The following KIF1B variants were observed in gnomAD, a reference collection of about 807,000 sequenced individuals.
KIF1B encodes kinesin family member 1B.
In KIF1B, 76 loss-of-function variants were observed where a neutral mutation model predicts 241.9. The observed-to-expected ratio is 0.31, with a 90% CI of 0.26 to 0.38. The LOEUF is 0.38. KIF1B is among the 10% of genes least tolerant of loss of function. The probability of loss-of-function intolerance (pLI) is 1.00; values close to 1 mark genes in which losing one functional copy is unlikely to be tolerated. For synonymous variants in KIF1B, 750 were observed against 796.7 expected (o/e 0.94, Z 0.99); for missense variants, 1,622 against 2,271.4 (o/e 0.71, Z 5.81).
At chr1:10,260,278 T>C (rs892472552) in intron 4 of KIF1B, among the ~76,000 whole-genome samples, 2 of 152,152 alleles carry the variant, frequency 1.3e-5, no homozygotes, top group African/African-American at 4.8e-5. Flanking sequence ...AAAAATATGA[T>C]ATAAAAGATT....
chr1:10,304,165 G>T, intron 22 of KIF1B: 1 of 1,614,078 alleles, frequency 6.2e-7, no homozygotes, highest in Non-Finnish European at 8.5e-7. Flanking sequence ...TCCAAAAGAC[G>T]ATGAAGCAAG....
rs1218525346 is a variant in KIF1B, at chr1:10,379,732, C to G, written c.*3145C>G. 2 of 230,932 alleles carry G rather than the reference C, an allele frequency of 8.7e-6. No individual in the cohort carries two copies. Among genetic ancestry groups the G allele is most frequent in the Non-Finnish European group, 1.7e-5 (2 of 116,678 alleles). 14.3% of individuals were successfully genotyped at this position (230,932 alleles called of 1,614,324 possible). ...ACCTCCTCCTCTGTCTCTCATCCTC[C>G]TTTCTCCCATCAAAGCAAAATATGG... is the stretch of plus-strand genomic sequence containing the variant. On this transcript the variant is annotated 3_prime_UTR_variant, in exon 49 of 49. Transcript: ENST00000676179.
At chr1:10,362,664 A>G (rs190514045) in intron 40 of KIF1B, among the ~76,000 whole-genome samples, 1 of 152,298 alleles carries the variant, frequency 6.6e-6, no homozygotes. Context: ...TGTTTCCCTC[A>G]TATCGTCTCT....
intron 1 of KIF1B, among the ~76,000 whole-genome samples, chr1:10,218,999 A>G (rs1035034486): frequency 2.0e-5 from 3 of 152,160 alleles, no homozygotes; most frequent in African/African-American, 7.2e-5. Context: ...TAATGTGGTT[A>G]TTGTAATTTA....
chr1:10,376,952 A>G lies in KIF1B; in HGVS notation c.*365A>G. 2.5e-6 allele frequency: 1 copy of G among 397,468 alleles called. No homozygotes were observed. Among genetic ancestry groups the G allele is most frequent in the Non-Finnish European group, 4.8e-6 (1 of 209,782 alleles). 24.6% of individuals were successfully genotyped at this position (397,468 alleles called of 1,614,324 possible). ...GTGTACTTTGGCTTCCTTTTGTATG[A>G]TAGGTCCCCATCATGACCACCTCTG... On this transcript the variant is annotated 3_prime_UTR_variant, in exon 49 of 49. Coordinates refer to ENST00000676179, the MANE Select transcript of KIF1B (RefSeq NM_001365951.3).
intron 22 of KIF1B, among the ~76,000 whole-genome samples, chr1:10,301,585 G>C (rs1650545172): frequency 1.3e-5 from 2 of 151,998 alleles, no homozygotes; most frequent in South Asian, 4.1e-4. Context: ...AGAATTACTT[G>C]AACCCAAGAG....
intron 5 of KIF1B, 82 bp from the exon 6 acceptor site, chr1:10,267,298 G>A: frequency 2.5e-6 from 3 of 1,217,788 alleles, no homozygotes; most frequent in Non-Finnish European, 3.6e-6. Flanking sequence ...AAAGTGCTGG[G>A]ATTACAGGCG....
intron 14 of KIF1B, among the ~76,000 whole-genome samples, chr1:10,281,621 A>T (rs1649409787): frequency 6.6e-6 from 1 of 152,118 alleles, no homozygotes; most frequent in South Asian, 2.1e-4. Context: ...CTGCACTAAA[A>T]CTCATTAATC....
At chr1:10,331,714 T>C (rs547160538) in intron 27 of KIF1B, among the ~76,000 whole-genome samples, 4 of 152,370 alleles carry the variant, frequency 2.6e-5, no homozygotes, top group Admixed American at 2.6e-4. Context: ...GTTTGATTTA[T>C]TGATACAAGT....
chr1:10,261,156 G>A (rs1219538015), intron 4 of KIF1B, among the ~76,000 whole-genome samples: 1 of 151,542 alleles, frequency 6.6e-6, no homozygotes, highest in Non-Finnish European at 1.5e-5. Flanking sequence ...TAGTAGAGAC[G>A]GGGTTTCACA....
intron 15 of KIF1B, among the ~76,000 whole-genome samples, chr1:10,285,825 TC>T (rs1649663749): frequency 6.6e-6 from 1 of 152,204 alleles, no homozygotes; most frequent in African/African-American, 2.4e-5. Context: ...GGAACTGGGT[TC>T]CTAAGGCATG....
Position 10,374,766 on chromosome 1 carries a change from T to C in KIF1B, c.5097-88T>C, listed in dbSNP as rs1480854274. The C allele has an allele frequency of 3.2e-6, 4 of 1,256,356 alleles. No individual in the cohort carries two copies. The highest frequency in any genetic ancestry group is 4.6e-6 in the Non-Finnish European group (4 of 860,550). 77.8% of individuals were successfully genotyped at this position (1,256,356 alleles called of 1,614,324 possible). On this transcript the variant is annotated intron_variant, in intron 46 of 48. Transcript: ENST00000676179. This position sits in a 1 kb window ranked among gnomAD's most constrained non-coding sequence, Gnocchi z 4.3. The stretch of plus-strand genomic sequence containing the variant: ...GCCTGTTTCATCGAATCTAAGGACT[T>C]GGCCTAAGTGTGGCGTATTTTGATG...
chr1:10,235,877 A>T (rs968922941), intron 2 of KIF1B, among the ~76,000 whole-genome samples: 14 of 151,642 alleles, frequency 9.2e-5, no homozygotes, highest in Non-Finnish European at 1.9e-4. Flanking sequence ...AAAAAAAAAA[A>T]AAAAAAGCAT....
chr1:10,324,127 G>GCTCC lies in KIF1B; in HGVS notation c.2537+70_2537+73dup, dbSNP rs1651630912. The GCTCC allele has an allele frequency of 5.2e-6, 6 of 1,156,782 alleles. No individual in the cohort carries two copies. The South Asian group carries it at 7.6e-5, about 15-fold the overall frequency. The allele number at this position is 1,156,782 out of a possible 1,614,324, so 71.7% of individuals were successfully genotyped here. A position where few individuals can be genotyped will look rare whatever the true frequency, so the allele number is the denominator to read the frequency against. ...AAATAACAATGACCTGCTCAAGTGAGCTCCCTCCAGCTCTCCTCTCTCTGA... is the reference window on the plus strand; with the variant it reads ...AAATAACAATGACCTGCTCAAGTGAGCTCCCTCCCTCCAGCTCTCCTCTCTCTGA... On this transcript the variant is annotated intron_variant, in intron 25 of 48. Transcript: ENST00000676179.
rs1018890767 is a variant in KIF1B at position 10,337,906 on chromosome 1, G to A, written c.3422+373G>A. ...AATGACTTATCTAGCTAGCAATTAC[G>A]CCTATTTAATACTCGGGAAAAGGAA... On this transcript the variant is annotated intron_variant, in intron 31 of 48. Coordinates refer to ENST00000676179, the MANE Select transcript of KIF1B (RefSeq NM_001365951.3). The surrounding 1 kb of genome is among the most constrained non-coding windows in gnomAD (Gnocchi z 4.0). Among the ~76,000 whole-genome samples, 7 of 151,970 alleles carry A rather than the reference G, an allele frequency of 4.6e-5. No homozygotes were observed. The highest frequency in any genetic ancestry group is 1.2e-4 in the African/African-American group (5 of 41,350).
intron 26 of KIF1B, among the ~76,000 whole-genome samples, chr1:10,325,624 T>A (rs1208487155): frequency 6.6e-6 from 1 of 152,150 alleles, no homozygotes; most frequent in African/African-American, 2.4e-5. Flanking sequence ...AGCAAAGTAG[T>A]TTTTCAAAGA....
intron 38 of KIF1B, among the ~76,000 whole-genome samples, chr1:10,354,794 A>G (rs576338453): frequency 2.8e-4 from 43 of 152,342 alleles, no homozygotes; most frequent in African/African-American, 1.0e-3. Context: ...CTAGCCATCA[A>G]TCTGTATATT....
intron 2 of KIF1B, among the ~76,000 whole-genome samples, chr1:10,254,876 CA>C (rs1159193467): frequency 0.061 from 2,220 of 36,630 alleles, 3 homozygotes; most frequent in Middle Eastern, 0.15. Context: ...GACTCTGTCT[CA>C]AAAAAAAAAA....
chr1:10,335,040 C>T (rs1025358083), intron 28 of KIF1B, among the ~76,000 whole-genome samples: 1 of 151,804 alleles, frequency 6.6e-6, no homozygotes, highest in Non-Finnish European at 1.5e-5. Flanking sequence ...CAGGCTCAGC[C>T]ATCCTCCCAC....
Sources: gnomAD v4.1 joint callset for allele counts (sites outside exome capture counted in the v4.1 genomes callset) on GRCh38, gnomAD v4.1.1 for gene constraint, Gnocchi (gnomAD v3.1) non-coding constraint, MANE v1.5 for transcripts, NCBI Gene and HGNC (gene_info 2026-07-23, HGNC 2026-07-21) for gene names.